DAAM1: variants seen among roughly 807,000 people sequenced by gnomAD.
DAAM1 encodes the protein dishevelled associated activator of morphogenesis 1.
Under a neutral mutation model 130.0 loss-of-function variants are expected in DAAM1, and 52 were observed. That is an observed-to-expected ratio of 0.40 (90% CI 0.32 to 0.50). The LOEUF (loss-of-function observed/expected upper bound fraction) is 0.50. Ranked by LOEUF, DAAM1 falls within the 20% of genes least tolerant of loss-of-function variation. DAAM1 has a pLI of 0.61. For synonymous variants in DAAM1, 452 were observed against 444.5 expected (o/e 1.02, Z -0.21); for missense variants, 1,134 against 1,303.8 (o/e 0.87, Z 2.01).
intron 16 of DAAM1, among the ~76,000 whole-genome samples, chr14:59,343,814 C>A (rs1036895166): frequency 6.6e-6 from 1 of 152,142 alleles, no homozygotes; most frequent in South Asian, 2.1e-4. Context: ...GTGACCAAAT[C>A]ATTCGAAGCT....
chr14:59,286,884 C>T (rs989350421), intron 2 of DAAM1, among the ~76,000 whole-genome samples: 2 of 152,156 alleles, frequency 1.3e-5, no homozygotes, highest in Non-Finnish European at 2.9e-5. Context: ...ACCAATCCTA[C>T]TGAAATTATT....
intron 3 of DAAM1, among the ~76,000 whole-genome samples, chr14:59,312,004 C>G (rs1001898440): frequency 1.3e-5 from 2 of 152,076 alleles, no homozygotes; most frequent in African/African-American, 4.8e-5. Context: ...TAGCCCCTCT[C>G]TATATATTTA....
intron 1 of DAAM1, among the ~76,000 whole-genome samples, chr14:59,256,752 G>A (rs1317043779): frequency 6.6e-6 from 1 of 152,132 alleles, no homozygotes; most frequent in African/African-American, 2.4e-5. Context: ...GACAGGAAAA[G>A]GACCAACTCC....
chr14:59,285,779 T>C (rs990794112), intron 2 of DAAM1, among the ~76,000 whole-genome samples: 1 of 152,002 alleles, frequency 6.6e-6, no homozygotes, highest in African/African-American at 2.4e-5. Flanking sequence ...TAAAACAGGA[T>C]TTTAGAGACC....
intron 1 of DAAM1, among the ~76,000 whole-genome samples, chr14:59,251,902 AGCAGGAC>A (rs1418075974): frequency 6.6e-6 from 1 of 152,202 alleles, no homozygotes; most frequent in East Asian, 1.9e-4. Context: ...CTGCATCATC[AGCAGGAC>A]GCATTAAGAA....
intron 17 of DAAM1, 104 bp downstream of exon 17, chr14:59,347,727 T>A: frequency 8.8e-7 from 1 of 1,138,142 alleles, no homozygotes; most frequent in Non-Finnish European, 1.3e-6. Context: ...TTTCCTCATC[T>A]ATGAATTGAG....
At chr14:59,196,026 C>T (rs1402914353) in intron 1 of DAAM1, among the ~76,000 whole-genome samples, 2 of 152,140 alleles carry the variant, frequency 1.3e-5, no homozygotes, top group Non-Finnish European at 2.9e-5. Flanking sequence ...AAGTGAGAGG[C>T]AAGACTGCCA....
At chr14:59,302,764 C>T (rs1884222408) in intron 3 of DAAM1, among the ~76,000 whole-genome samples, 1 of 152,138 alleles carries the variant, frequency 6.6e-6, no homozygotes, top group South Asian at 2.1e-4. Flanking sequence ...TGTAATTCTC[C>T]TGCCTCAGCC....
chr14:59,354,063 T>A lies in DAAM1; in HGVS notation c.2356+99T>A, dbSNP rs61984522. On this transcript the variant is annotated intron_variant, in intron 19 of 24. Transcript: ENST00000360909. ...ATAGTAAACAAGATCCCCTTGGTGA[T>A]TTTTTTTTTTTTTTTGAGACGGAGT... 9.5e-5 allele frequency: 3 copies of A among 31,536 alleles called. No individual in the cohort carries two copies. In the East Asian group the frequency reaches 0.017, roughly 179 times the overall value. 2.0% of individuals were successfully genotyped at this position (31,536 alleles called of 1,614,324 possible). A position where few individuals can be genotyped will look rare whatever the true frequency, so the allele number is the denominator to read the frequency against.
chr14:59,248,517 A>G (rs761343740), intron 1 of DAAM1, among the ~76,000 whole-genome samples: 5 of 152,116 alleles, frequency 3.3e-5, no homozygotes, highest in African/African-American at 7.2e-5. Flanking sequence ...AGGAATCCCC[A>G]GTGAGAAAAC....
At chr14:59,333,773 T>G (rs1268389107) in intron 15 of DAAM1, among the ~76,000 whole-genome samples, 1 of 152,238 alleles carries the variant, frequency 6.6e-6, no homozygotes, top group African/African-American at 2.4e-5. Flanking sequence ...TAAAGGCAGG[T>G]GGTTGAAAGA....
chr14:59,335,747 A>G (rs189712457), intron 15 of DAAM1, among the ~76,000 whole-genome samples: 3 of 152,242 alleles, frequency 2.0e-5, no homozygotes, highest in Admixed American at 2.0e-4. Context: ...TTAGGAACAA[A>G]GAATAACGGT....
At chr14:59,275,445 A>T (rs974099380) in intron 2 of DAAM1, among the ~76,000 whole-genome samples, 2 of 152,198 alleles carry the variant, frequency 1.3e-5, no homozygotes, top group African/African-American at 4.8e-5. Flanking sequence ...TTAAAAAAAA[A>T]ATTTATCTAG....
chr14:59,354,798 A>G (rs1886414160), intron 19 of DAAM1, among the ~76,000 whole-genome samples: 1 of 151,652 alleles, frequency 6.6e-6, no homozygotes, highest in East Asian at 1.9e-4. Flanking sequence ...GAATTGATCA[A>G]TACTCCTGTT....
chr14:59,308,628 G>A (rs1169785117), intron 3 of DAAM1, among the ~76,000 whole-genome samples: 2 of 152,162 alleles, frequency 1.3e-5, no homozygotes, highest in Non-Finnish European at 2.9e-5. Flanking sequence ...CCCTGTGAGA[G>A]GAAACTCAGC....
chr14:59,290,386 C>A (rs1594802958), intron 2 of DAAM1, among the ~76,000 whole-genome samples: 1 of 152,174 alleles, frequency 6.6e-6, no homozygotes, highest in African/African-American at 2.4e-5. Context: ...CCACTATTTG[C>A]TAGGTGTGCA....
intron 1 of DAAM1, among the ~76,000 whole-genome samples, chr14:59,251,777 T>C (rs919815788): frequency 2.0e-5 from 3 of 152,204 alleles, no homozygotes; most frequent in African/African-American, 7.2e-5. Flanking sequence ...CTTTTGAACA[T>C]CCATTATGTA....
intron 1 of DAAM1, among the ~76,000 whole-genome samples, chr14:59,240,288 C>T (rs17095918): frequency 0.066 from 10,107 of 152,170 alleles, 442 homozygotes; most frequent in Non-Finnish European, 0.1. Context: ...CTTCCTATCA[C>T]GCATATACAA....
chr14:59,230,037 C>T (rs1889054016), intron 1 of DAAM1, among the ~76,000 whole-genome samples: 1 of 152,126 alleles, frequency 6.6e-6, no homozygotes, highest in African/African-American at 2.4e-5. Context: ...ATTTAAGGCC[C>T]ACTATTAACT....
Sources: gnomAD v4.1 joint callset for allele counts (sites outside exome capture counted in the v4.1 genomes callset) on GRCh38, gnomAD v4.1.1 for gene constraint, MANE v1.5 for transcripts, NCBI Gene and HGNC (gene_info 2026-07-23, HGNC 2026-07-21) for gene names.